Variants in FUCA1 observed in about 807,000 individuals in gnomAD.
FUCA1 encodes the protein alpha-L-fucosidase 1.
Under a neutral mutation model 56.8 loss-of-function variants are expected in FUCA1, and 52 were observed. The ratio of observed to expected loss-of-function variants is 0.92; its 90% confidence interval spans 0.73 to 1.15. The LOEUF (loss-of-function observed/expected upper bound fraction) is 1.15. Among genes scored for constraint, FUCA1 ranks in the 50% most tolerant of loss-of-function variants. The pLI, the probability that FUCA1 is intolerant of heterozygous loss-of-function variation, is 0.00. For synonymous variants in FUCA1, 230 were observed against 226.6 expected, an observed-to-expected ratio of 1.02 and a Z score of -0.14; for missense variants, 568 against 592.6, an observed-to-expected ratio of 0.96 and a Z score of 0.43.
intron 5 of FUCA1, among the ~76,000 whole-genome samples, chr1:23,849,213 T>C (rs1322742650): frequency 6.6e-6 from 1 of 152,178 alleles, no homozygotes; most frequent in Non-Finnish European, 1.5e-5. Flanking sequence ...TCAAAACTCC[T>C]GACCTCAGGT....
intron 5 of FUCA1, 126 bp from the exon 6 acceptor site, chr1:23,848,965 A>T: frequency 3.5e-5 from 23 of 659,514 alleles, no homozygotes; most frequent in Admixed American, 8.8e-5. Flanking sequence ...TGCTGTTTTA[A>T]TTTTTTTTTT....
chr1:23,854,616 G>A (rs1233382375), intron 4 of FUCA1, 56 bp from the exon 5 acceptor site: 2 of 1,355,222 alleles, frequency 1.5e-6, no homozygotes, highest in East Asian at 2.3e-5. Flanking sequence ...ACTTCTTTAT[G>A]TAATACACTT....
chr1:23,845,463 T>C lies in FUCA1; in HGVS notation c.*252A>G. 1 of 540,754 alleles carries C rather than the reference T, an allele frequency of 1.8e-6. No homozygotes were observed. Among genetic ancestry groups the C allele is most frequent in the Non-Finnish European group, 3.3e-6 (1 of 301,160 alleles). 33.5% of individuals were successfully genotyped at this position (540,754 alleles called of 1,614,324 possible). A position where few individuals can be genotyped will look rare whatever the true frequency, so the allele number is the denominator to read the frequency against. On this transcript the variant is annotated 3_prime_UTR_variant, in exon 8 of 8. Transcript: ENST00000374479. ...GTAGATAATTTCCAAATATTACAAT[T>C]GATGAACTCAGAGTTCAACTGCTCA... is the stretch of plus-strand genomic sequence containing the variant.
chr1:23,866,663 G>C (rs557336572), intron 1 of FUCA1, among the ~76,000 whole-genome samples: 27 of 152,178 alleles, frequency 1.8e-4, no homozygotes, highest in African/African-American at 6.3e-4. Flanking sequence ...TCACCTCATG[G>C]GCCTTAAAAA....
At chr1:23,863,317 A>C (rs1639549215) in intron 2 of FUCA1, 46 bp from the exon 3 acceptor site, 1 of 1,593,908 alleles carries the variant, frequency 6.3e-7, no homozygotes. Flanking sequence ...GCATAGAACA[A>C]ATAATTTATT....
intron 5 of FUCA1, among the ~76,000 whole-genome samples, chr1:23,852,624 C>T (rs1181348596): frequency 6.6e-6 from 1 of 152,106 alleles, no homozygotes; most frequent in Admixed American, 6.6e-5. Flanking sequence ...TGCAGGTGCG[C>T]GCCACCACGC....
chr1:23,864,246 C>A (rs571461462), intron 2 of FUCA1, among the ~76,000 whole-genome samples: 7 of 152,040 alleles, frequency 4.6e-5, no homozygotes, highest in Admixed American at 2.0e-4. Flanking sequence ...ACCACCACAC[C>A]CAGCTAATTT....
chr1:23,863,312 G>A (rs746914526), intron 2 of FUCA1, 41 bp from the exon 3 acceptor site: 2 of 1,597,698 alleles, frequency 1.3e-6, no homozygotes, highest in African/African-American at 1.3e-5. Flanking sequence ...ATTAAGCATA[G>A]AACAAATAAT....
chr1:23,868,027 G>C lies in FUCA1; in HGVS notation c.260C>G (p.Pro87Arg). The change falls in exon 1 of 8, where the codon CCG becomes CGG. Residue 87 changes from proline (P) to arginine (R), a missense_variant. Coordinates refer to ENST00000374479, the MANE Select transcript of FUCA1 (RefSeq NM_000147.5). ...GTCGCGCATGAAGCGCTGGTACTGC[G>C]GCCGCCCCTCGCCCTGCCAGTGCCA... ...FWWHWQGEGRPQYQRFMRDNY... is the reference protein window; with the variant it reads ...FWWHWQGEGRRQYQRFMRDNY... 6.2e-7 allele frequency: 1 copy of C among 1,608,786 alleles called. No homozygotes were observed. The highest frequency in any genetic ancestry group is 8.5e-7 in the Non-Finnish European group (1 of 1,178,542).
chr1:23,858,888 T>C (rs998840291), intron 4 of FUCA1, among the ~76,000 whole-genome samples: 1 of 152,140 alleles, frequency 6.6e-6, no homozygotes, highest in Non-Finnish European at 1.5e-5. Context: ...ATCAGCCTCC[T>C]GAGTAGCTGG....
Position 23,868,211 on chromosome 1 carries a change from C to A in FUCA1, c.76G>T (p.Glu26Ter). The stretch of plus-strand genomic sequence containing the variant: ...GGAGGCTGGGCCCGACGCACCGACT[C>A]GGCCGCTCCGAGGAAGAGCAGCAGC... ...LLLLLFLGAA[E>*]SVRRAQPPRR... Residue 26 changes from glutamate (E) to a stop codon, truncating the protein, a stop_gained, in exon 1 of 8, where the codon GAG becomes TAG. Transcript: ENST00000374479. LOFTEE classifies it high-confidence loss of function. The A allele has an allele frequency of 6.3e-7, 1 of 1,591,174 alleles. No individual in the cohort carries two copies. Among genetic ancestry groups the A allele is most frequent in the East Asian group, 2.3e-5 (1 of 43,762 alleles).
At chr1:23,852,861 CA>C (rs1435942048) in intron 5 of FUCA1, among the ~76,000 whole-genome samples, 1 of 151,946 alleles carries the variant, frequency 6.6e-6, no homozygotes, top group Non-Finnish European at 1.5e-5. Context: ...CTTGGCCTCC[CA>C]AAGTGCCGAG....
chr1:23,868,260 C>A lies in FUCA1; in HGVS notation c.27G>T (p.Arg9=). ...GCAGCAACAGCGCGGGACCCGCCGGCCGCGACCTCATCCCCGGAGCCCGCA... is the reference window on the plus strand; with the variant it reads ...GCAGCAACAGCGCGGGACCCGCCGGACGCGACCTCATCCCCGGAGCCCGCA... MRAPGMRS[R]PAGPALLLLL... The change falls in exon 1 of 8, where the codon CGG becomes CGT. Residue 9 remains arginine, a synonymous_variant. Coordinates refer to ENST00000374479, the MANE Select transcript of FUCA1 (RefSeq NM_000147.5). 2 of 1,557,044 alleles carry A rather than the reference C, an allele frequency of 1.3e-6. No individual in the cohort carries two copies. The highest frequency in any genetic ancestry group is 1.7e-6 in the Non-Finnish European group (2 of 1,152,736).
At chr1:23,860,487 G>A (rs1639483608) in intron 3 of FUCA1, among the ~76,000 whole-genome samples, 1 of 151,562 alleles carries the variant, frequency 6.6e-6, no homozygotes, top group African/African-American at 2.4e-5. Context: ...GGGAGGCTGA[G>A]GCAGGAGAAT....
intron 6 of FUCA1, among the ~76,000 whole-genome samples, chr1:23,847,984 T>C (rs1639176616): frequency 6.6e-6 from 1 of 152,148 alleles, no homozygotes. Flanking sequence ...ATTCTGCCAC[T>C]GTACTCCAAC....
At chr1:23,847,009 T>C (rs779402745) in intron 6 of FUCA1, among the ~76,000 whole-genome samples, 1 of 152,154 alleles carries the variant, frequency 6.6e-6, no homozygotes, top group Non-Finnish European at 1.5e-5. Flanking sequence ...CATGAAGCAC[T>C]GCACAAGGCC....
At chr1:23,853,398 T>A (rs1639315983) in intron 5 of FUCA1, among the ~76,000 whole-genome samples, 3 of 134,102 alleles carry the variant, frequency 2.2e-5, no homozygotes, top group Non-Finnish European at 4.7e-5. Context: ...GGTGGGGGGG[T>A]CAGCCCCCCG....
At chr1:23,852,980 T>C (rs958026025) in intron 5 of FUCA1, among the ~76,000 whole-genome samples, 1 of 146,296 alleles carries the variant, frequency 6.8e-6, no homozygotes, top group African/African-American at 2.6e-5. Flanking sequence ...CTACCCAGTC[T>C]GGAAAATGAG....
intron 4 of FUCA1, among the ~76,000 whole-genome samples, chr1:23,858,743 ATGTTT>A (rs1447412554): frequency 1.3e-5 from 2 of 152,046 alleles, no homozygotes; most frequent in African/African-American, 4.8e-5. Context: ...TGTATCTTAT[ATGTTT>A]TCTTTATTTT....
Sources: gnomAD v4.1 joint callset for allele counts (sites outside exome capture counted in the v4.1 genomes callset) on GRCh38, gnomAD v4.1.1 for gene constraint, MANE v1.5 for transcripts, NCBI Gene and HGNC (gene_info 2026-07-23, HGNC 2026-07-21) for gene names.